Variants in AKAP6 observed in about 807,000 individuals in gnomAD.
AKAP6 encodes A-kinase anchoring protein 6, also known as A-kinase anchor protein 6.
A neutral mutation model predicts 188.5 loss-of-function variants in AKAP6; 58 were observed. The ratio of observed to expected loss-of-function variants is 0.31; its 90% CI spans 0.25 to 0.38. The LOEUF (loss-of-function observed/expected upper bound fraction) is 0.38, where lower values mean the gene tolerates loss of function less well. AKAP6 is among the 10% of genes least tolerant of loss of function. AKAP6 has a pLI of 1.00. For missense variants in AKAP6, 2,710 were observed against 2,740.0 expected, an observed-to-expected ratio of 0.99 and a Z score of 0.24; for synonymous variants, 989 against 998.6, an observed-to-expected ratio of 0.99 and a Z score of 0.18.
intron 12 of AKAP6, among the ~76,000 whole-genome samples, chr14:32,812,388 T>C (rs1396346568): frequency 1.3e-5 from 2 of 152,148 alleles, no homozygotes; most frequent in African/African-American, 2.4e-5. Flanking sequence ...TCCTAAATTT[T>C]TAAAAAATTC....
intron 5 of AKAP6, among the ~76,000 whole-genome samples, chr14:32,582,496 T>A (rs965187079): frequency 1.5e-4 from 23 of 151,434 alleles, no homozygotes; most frequent in Non-Finnish European, 2.5e-4. Context: ...TCTCGAGGAG[T>A]ATGTTTGTGG....
chr14:32,594,340 T>C (rs1885603779), intron 5 of AKAP6, among the ~76,000 whole-genome samples: 2 of 152,238 alleles, frequency 1.3e-5, no homozygotes, highest in Admixed American at 1.3e-4. Flanking sequence ...TACATATATG[T>C]AATTTTATCA....
At chr14:32,817,982 T>C (rs2034430143) in intron 12 of AKAP6, among the ~76,000 whole-genome samples, 1 of 152,174 alleles carries the variant, frequency 6.6e-6, no homozygotes, top group South Asian at 2.1e-4. Context: ...TCCCACTTTC[T>C]TGCCCCAGGG....
At position 32,599,495 on chromosome 14, in the gene AKAP6, C is replaced by G. The variant is rs555023767; in HGVS notation, c.2555C>G (p.Ser852Cys). ...CACCAACTTCTTGAGCTTATTGCATCTCACAAAGCAGGTAAATCCTCCTGA... is the reference window on the plus strand; with the variant it reads ...CACCAACTTCTTGAGCTTATTGCATGTCACAAAGCAGGTAAATCCTCCTGA... Reference protein sequence around the residue: ...EGHQLLELIASHKAGLKDMLR... With the variant: ...EGHQLLELIACHKAGLKDMLR... Residue 852 changes from serine (S) to cysteine (C), a missense_variant, in exon 6 of 14, where the codon TCT becomes TGT. Around this residue, in one of 2 missense-constraint regions of AKAP6, gnomAD observed 2,473 missense variants for 2,426.1 expected, o/e 1.02. Transcript: ENST00000280979. 1 of 1,612,826 alleles carries G rather than the reference C, an allele frequency of 6.2e-7. No individual in the cohort carries two copies. Among genetic ancestry groups the G allele is most frequent in the African/African-American group, 1.3e-5 (1 of 74,972 alleles).
intron 2 of AKAP6, among the ~76,000 whole-genome samples, chr14:32,437,231 T>C (rs10136333): frequency 0.7 from 106,071 of 151,988 alleles, 39,163 homozygotes; most frequent in East Asian, 1. Context: ...TCATGTTTAA[T>C]ATCTGGAGAT....
chr14:32,585,492 ATGTG>A (rs1555342354), intron 5 of AKAP6, among the ~76,000 whole-genome samples: 44 of 150,846 alleles, frequency 2.9e-4, no homozygotes, highest in African/African-American at 7.5e-4. Flanking sequence ...AACTATATAT[ATGTG>A]TGTGTGTGTG....
chr14:32,356,913 G>A (rs1013105307), intron 1 of AKAP6, among the ~76,000 whole-genome samples: 1 of 151,934 alleles, frequency 6.6e-6, no homozygotes, highest in African/African-American at 2.4e-5. Flanking sequence ...TGCCTCACAT[G>A]TAGTTGACAC....
intron 1 of AKAP6, among the ~76,000 whole-genome samples, chr14:32,362,674 TAGGGACAGGCAAGTTACAGA>T: frequency 6.6e-6 from 1 of 152,208 alleles, no homozygotes; most frequent in African/African-American, 2.4e-5. Flanking sequence ...AAATAGCTGG[TAGGGACAGGCAAGTTACAGA>T]GGGGAGGTAG....
chr14:32,420,363 T>C (rs1036620241), intron 1 of AKAP6, among the ~76,000 whole-genome samples: 1 of 152,134 alleles, frequency 6.6e-6, no homozygotes, highest in Non-Finnish European at 1.5e-5. Flanking sequence ...CACTTTCTCA[T>C]AGGTATGCAC....
intron 2 of AKAP6, among the ~76,000 whole-genome samples, chr14:32,457,795 T>A (rs559111185): frequency 6.6e-6 from 1 of 152,342 alleles, no homozygotes. Context: ...ATAGAGATGT[T>A]ATAAACTTTA....
At chr14:32,793,129 A>G (rs2033659277) in intron 12 of AKAP6, among the ~76,000 whole-genome samples, 1 of 152,208 alleles carries the variant, frequency 6.6e-6, no homozygotes, top group South Asian at 2.1e-4. Flanking sequence ...CAAGTCCACA[A>G]AATAACCAGC....
rs538928051 is a variant in AKAP6 at position 32,795,541 on chromosome 14, A to G, written c.3588+21648A>G. Among the ~76,000 whole-genome samples, 4 of 152,354 alleles carry G rather than the reference A, an allele frequency of 2.6e-5. No individual in the cohort carries two copies. In the South Asian group the frequency reaches 6.2e-4, roughly 24 times the overall value. ...TAAACAGAACTAAAGACAAAAATCT[A>G]CATGATTATCTCAATAGATACAGAA... On this transcript the variant is annotated intron_variant, in intron 12 of 13. Coordinates refer to ENST00000280979, the MANE Select transcript of AKAP6 (RefSeq NM_004274.5).
At chr14:32,576,915 A>G (rs901061886) in intron 4 of AKAP6, among the ~76,000 whole-genome samples, 4 of 152,128 alleles carry the variant, frequency 2.6e-5, no homozygotes, top group Non-Finnish European at 5.9e-5. Context: ...GGAAGCATTG[A>G]CAGTTTCTTT....
chr14:32,787,402 T>G (rs1445250367), intron 12 of AKAP6, among the ~76,000 whole-genome samples: 1 of 152,234 alleles, frequency 6.6e-6, no homozygotes, highest in African/African-American at 2.4e-5. Context: ...TACCTCGCCA[T>G]TGTAACTTGG....
At chr14:32,818,599 G>A (rs1252350974) in intron 12 of AKAP6, among the ~76,000 whole-genome samples, 3 of 152,004 alleles carry the variant, frequency 2.0e-5, no homozygotes, top group African/African-American at 7.3e-5. Context: ...TGGATATGGA[G>A]GGCCAACTAT....
chr14:32,717,513 T>C (rs577294445), intron 9 of AKAP6, among the ~76,000 whole-genome samples: 1 of 152,156 alleles, frequency 6.6e-6, no homozygotes, highest in Admixed American at 6.6e-5. Flanking sequence ...TATTTACTTA[T>C]TAACTTTCTC....
intron 1 of AKAP6, among the ~76,000 whole-genome samples, chr14:32,358,738 G>A (rs76802765): frequency 0.015 from 2,337 of 152,192 alleles, 23 homozygotes; most frequent in Non-Finnish European, 0.022. Flanking sequence ...TAGTGAGAAG[G>A]GAGGAAAAAC....
At chr14:32,458,515 A>T (rs931627131) in intron 2 of AKAP6, among the ~76,000 whole-genome samples, 4 of 152,140 alleles carry the variant, frequency 2.6e-5, no homozygotes, top group Non-Finnish European at 5.9e-5. Flanking sequence ...AATGTCGCTG[A>T]AAGTATTATT....
chr14:32,622,635 TG>T (rs1340904712), intron 7 of AKAP6, among the ~76,000 whole-genome samples: 1 of 152,170 alleles, frequency 6.6e-6, no homozygotes, highest in Non-Finnish European at 1.5e-5. Context: ...TTATCGGAGT[TG>T]GTTGCTAAGA....
Sources: gnomAD v4.1 joint callset for allele counts (sites outside exome capture counted in the v4.1 genomes callset) on GRCh38, gnomAD v4.1.1 for gene constraint, gnomAD v4.1.1 regional missense constraint, MANE v1.5 for transcripts, NCBI Gene and HGNC (gene_info 2026-07-23, HGNC 2026-07-21) for gene names.